SRGAP3: variants seen among roughly 807,000 people sequenced by gnomAD.
The protein encoded by SRGAP3 is SLIT-ROBO Rho GTPase-activating protein 3.
SRGAP3 carries 39 observed loss-of-function variants against 121.1 expected under a neutral mutation model. The observed-to-expected ratio is 0.32, with a 90% CI of 0.25 to 0.42. SRGAP3 has a LOEUF of 0.42. SRGAP3 is among the 10% of genes least tolerant of loss of function. SRGAP3 has a pLI of 1.00. For synonymous variants in SRGAP3, 601 were observed against 570.0 expected, an observed-to-expected ratio of 1.05 and a Z score of -0.77; for missense variants, 1,213 against 1,470.6, an observed-to-expected ratio of 0.82 and a Z score of 2.86.
rs761130023 is a variant in SRGAP3, at chr3:9,239,366, C to A, written c.67+9519G>T. ...CTGCATTCCAGTCTGGGCAACAGAG[C>A]AAGACTCTGTCTCAAAAAAACAAAA... On this transcript the variant is annotated intron_variant, in intron 1 of 21. Transcript: ENST00000383836. This position sits in a 1 kb window ranked among gnomAD's most constrained non-coding sequence, Gnocchi z 4.0. 5.9e-5 allele frequency among the ~76,000 whole-genome samples: 9 copies of A among 152,100 alleles called. No individual in the cohort carries two copies. The highest frequency in any genetic ancestry group is 1.2e-4 in the Non-Finnish European group (8 of 68,004).
At chr3:9,240,053 C>T (rs1953567607) in intron 1 of SRGAP3, among the ~76,000 whole-genome samples, 1 of 152,180 alleles carries the variant, frequency 6.6e-6, no homozygotes, top group African/African-American at 2.4e-5. Flanking sequence ...CCCAGAAGTC[C>T]TGGGGGAAGC....
chr3:9,160,681 T>C (rs1950575000), intron 1 of SRGAP3, among the ~76,000 whole-genome samples: 1 of 152,240 alleles, frequency 6.6e-6, no homozygotes, highest in Admixed American at 6.5e-5. Flanking sequence ...AACTGGTACA[T>C]TTTGGAATAA....
At position 9,093,592 on chromosome 3, in the gene SRGAP3, C is replaced by T. The variant is rs142782835; in HGVS notation, c.423+11088G>A. 1.0e-3 allele frequency among the ~76,000 whole-genome samples: 152 copies of T among 152,252 alleles called. 2 individuals carry two copies. Among genetic ancestry groups the T allele is most frequent in the African/African-American group, 3.6e-3 (149 of 41,534 alleles). On this transcript the variant is annotated intron_variant, in intron 3 of 21. Transcript: ENST00000383836. ...ATCCATCCATCCATCCATCAACCCA[C>T]TCATCCATTCATCCATCTTTCCTTT...
rs764708001 is a variant in SRGAP3, at chr3:9,248,967, A to T, written c.-16T>A. 6.2e-7 allele frequency: 1 copy of T among 1,613,370 alleles called. No homozygotes were observed. Among genetic ancestry groups the T allele is most frequent in the African/African-American group, 1.3e-5 (1 of 74,912 alleles). ...GAGATGACATCTTCTGACGTGGCCA[A>T]AGGAACTGACAGGCTGTTTGATTTA... On this transcript the variant is annotated 5_prime_UTR_variant, in exon 1 of 22. The change creates a new upstream start codon in the 5' untranslated region. Transcript: ENST00000383836.
intron 2 of SRGAP3, among the ~76,000 whole-genome samples, chr3:9,110,326 C>T (rs186471168): frequency 7.9e-5 from 12 of 152,040 alleles, no homozygotes; most frequent in Non-Finnish European, 1.3e-4. Flanking sequence ...GAGTTCGAGT[C>T]GAACACGACG....
intron 1 of SRGAP3, among the ~76,000 whole-genome samples, chr3:9,164,446 T>C (rs1369166263): frequency 4.6e-5 from 7 of 151,990 alleles, no homozygotes; most frequent in Non-Finnish European, 7.4e-5. Context: ...TGTACAACCA[T>C]GTCCCGCTAA....
chr3:9,042,342 C>A (rs934609153), intron 10 of SRGAP3, among the ~76,000 whole-genome samples: 1 of 151,902 alleles, frequency 6.6e-6, no homozygotes, highest in African/African-American at 2.4e-5. Context: ...TGGCTAGTGG[C>A]CACCATACTG....
At chr3:9,034,957 C>T (rs189887250) in intron 11 of SRGAP3, 1 of 152,302 alleles carries the variant, frequency 6.6e-6, no homozygotes, top group East Asian at 1.9e-4. Context: ...CATTGCATGA[C>T]AACCTCACAA....
At chr3:9,135,630 C>T (rs1949616244) in intron 1 of SRGAP3, among the ~76,000 whole-genome samples, 1 of 152,212 alleles carries the variant, frequency 6.6e-6, no homozygotes, top group Non-Finnish European at 1.5e-5. Flanking sequence ...GAGCTGTCTT[C>T]GGATTTGTAA....
At chr3:9,356,793 C>A (rs912121947) in intron 1 of SRGAP3, among the ~76,000 whole-genome samples, 6 of 151,966 alleles carry the variant, frequency 3.9e-5, no homozygotes, top group Non-Finnish European at 7.4e-5. Context: ...CAGCCATGAG[C>A]CACTGTGCCC....
chr3:9,125,100 C>G, intron 1 of SRGAP3, 183 bp from the exon 2 acceptor site: 1 of 695,898 alleles, frequency 1.4e-6, no homozygotes, highest in Admixed American at 2.7e-5. Context: ...AGATTTCTCT[C>G]TTGCTCGTTT....
intron 6 of SRGAP3, chr3:9,058,805 C>T (rs1015327757): frequency 6.7e-6 from 2 of 298,098 alleles, no homozygotes; most frequent in African/African-American, 2.2e-5. Context: ...CTGCTACCTC[C>T]GCCTCCCGGG....
intron 14 of SRGAP3, among the ~76,000 whole-genome samples, chr3:9,016,276 T>C (rs190943951): frequency 1.3e-5 from 2 of 152,284 alleles, no homozygotes; most frequent in East Asian, 3.9e-4. Context: ...ACACAATTCA[T>C]TTGGTGGTTA....
At chr3:9,250,462 G>A (rs946420852), upstream of SRGAP3, among the ~76,000 whole-genome samples, 1 of 152,138 alleles carries the variant, frequency 6.6e-6, no homozygotes, top group Non-Finnish European at 1.5e-5. Context: ...CGAGGCAAGA[G>A]GCCCTGGGAG....
chr3:9,323,639 T>C (rs1955470840), intron 3 of SRGAP3, among the ~76,000 whole-genome samples: 1 of 151,870 alleles, frequency 6.6e-6, no homozygotes, highest in African/African-American at 2.4e-5. Context: ...GTGAATCAGA[T>C]ACTACTTAAC....
intron 2 of SRGAP3, among the ~76,000 whole-genome samples, chr3:9,122,067 C>T (rs192934025): frequency 5.3e-5 from 8 of 152,336 alleles, no homozygotes; most frequent in Non-Finnish European, 1.0e-4. Flanking sequence ...TTTGGACAAG[C>T]TGCTTTCTCA....
chr3:9,058,059 C>T (rs1351551185), intron 7 of SRGAP3, among the ~76,000 whole-genome samples, 192 bp downstream of exon 7: 1 of 152,122 alleles, frequency 6.6e-6, no homozygotes, highest in Non-Finnish European at 1.5e-5. Flanking sequence ...TAATTCTGCA[C>T]GGGGGGCACC....
intron 1 of SRGAP3, among the ~76,000 whole-genome samples, chr3:9,164,987 G>A (rs879933244): frequency 6.6e-6 from 1 of 152,258 alleles, no homozygotes; most frequent in Non-Finnish European, 1.5e-5. Context: ...CAGGTGAGTG[G>A]AGTCCCATGA....
chr3:9,122,404 A>G (rs892167244), intron 2 of SRGAP3, among the ~76,000 whole-genome samples: 36 of 152,134 alleles, frequency 2.4e-4, no homozygotes, highest in African/African-American at 7.7e-4. Flanking sequence ...CCTGCAGCAG[A>G]AGTTTGAAGA....
Sources: allele counts gnomAD v4.1 joint callset (sites outside exome capture counted in the v4.1 genomes callset), GRCh38; gene constraint gnomAD v4.1.1; non-coding constraint Gnocchi (gnomAD v3.1); transcripts MANE v1.5; gene names NCBI Gene and HGNC (gene_info 2026-07-23, HGNC 2026-07-21).